Variants in PSPC1 observed in about 807,000 individuals in gnomAD.
PSPC1 encodes paraspeckle component 1, also known as paraspeckle protein 1.
A neutral mutation model predicts 51.6 loss-of-function variants in PSPC1; 14 were observed. The ratio of observed to expected loss-of-function variants is 0.27; its 90% confidence interval spans 0.18 to 0.42. The LOEUF (loss-of-function observed/expected upper bound fraction) is 0.42. Among genes scored for constraint, PSPC1 ranks in the 10% least tolerant of loss-of-function variants. PSPC1 has a pLI of 1.00. For missense variants in PSPC1, 406 were observed against 701.1 expected (o/e 0.58, Z 4.75); for synonymous variants, 193 against 231.9 (o/e 0.83, Z 1.53).
chr13:19,691,910 C>G (rs1352010568), intron 6 of PSPC1, among the ~76,000 whole-genome samples: 1 of 151,830 alleles, frequency 6.6e-6, no homozygotes, highest in African/African-American at 2.4e-5. Flanking sequence ...AGAGCGAGAC[C>G]CCATCTCAAA....
At chr13:19,728,435 CTTAAA>C (rs1245309160) in intron 6 of PSPC1, among the ~76,000 whole-genome samples, 5 of 122,408 alleles carry the variant, frequency 4.1e-5, no homozygotes, top group Admixed American at 2.0e-4. Context: ...AATTTCAAAG[CTTAAA>C]CACACACACA....
At chr13:19,705,386 G>A (rs764664107) in intron 8 of PSPC1, among the ~76,000 whole-genome samples, 14 of 147,568 alleles carry the variant, frequency 9.5e-5, no homozygotes, top group East Asian at 5.8e-4. Context: ...CCAACTACTC[G>A]GGAGGCTGAG....
At chr13:19,704,009 T>C (rs1323965080) in intron 8 of PSPC1, among the ~76,000 whole-genome samples, 1 of 152,256 alleles carries the variant, frequency 6.6e-6, no homozygotes, top group Admixed American at 6.5e-5. Flanking sequence ...ACAATAATCA[T>C]ACATATTAAT....
chr13:19,700,626 A>G (rs1879786453), downstream of PSPC1, among the ~76,000 whole-genome samples: 1 of 152,130 alleles, frequency 6.6e-6, no homozygotes. Context: ...ACTATTAGGA[A>G]AACAGGTGTT....
At chr13:19,725,270 A>G (rs954997877) in intron 6 of PSPC1, among the ~76,000 whole-genome samples, 4 of 152,222 alleles carry the variant, frequency 2.6e-5, no homozygotes, top group African/African-American at 9.6e-5. Context: ...CTGGTTTATA[A>G]CCATGACTAC....
chr13:19,697,376 A>T (rs1445509880), intron 6 of PSPC1, among the ~76,000 whole-genome samples: 1 of 152,154 alleles, frequency 6.6e-6, no homozygotes, highest in Non-Finnish European at 1.5e-5. Flanking sequence ...TTAGAGGACA[A>T]GTTTTTTTCC....
At position 19,778,528 on chromosome 13, in the gene PSPC1, C is replaced by G. The variant is rs1206282867; in HGVS notation, c.372+3858G>C. 2.1e-3 allele frequency among the ~76,000 whole-genome samples: 295 copies of G among 140,496 alleles called. 1 individual carries two copies. The highest frequency in any genetic ancestry group is 7.5e-3 in the African/African-American group (285 of 38,118). 92.2% of individuals were successfully genotyped at this position (140,496 alleles called of 152,430 possible). ...TGCCGAATGCCTGCAATTGCAGGCA[C>G]GCGCCGCCACGCCTGACTGGTTTTG... On this transcript the variant is annotated intron_variant, in intron 1 of 8. Coordinates refer to ENST00000338910, the MANE Select transcript of PSPC1 (RefSeq NM_001354909.2).
intron 5 of PSPC1, among the ~76,000 whole-genome samples, chr13:19,740,632 T>A (rs918431311): frequency 2.6e-5 from 4 of 152,218 alleles, no homozygotes; most frequent in Non-Finnish European, 5.9e-5. Context: ...TTGTTTATAA[T>A]ATTTCCTAAC....
chr13:19,782,897 C>G lies in PSPC1; in HGVS notation c.-140G>C. On this transcript the variant is annotated 5_prime_UTR_variant, in exon 1 of 9. Transcript: ENST00000338910. The surrounding 1 kb of genome is among the most constrained non-coding windows in gnomAD (Gnocchi z 4.5). Reference sequence around the variant, plus strand: ...GACCGCTAGGTAGGCGAGTCGGCAACCCGTCCTCCCCCAACTCACGCCCGC... The same window carrying G: ...GACCGCTAGGTAGGCGAGTCGGCAAGCCGTCCTCCCCCAACTCACGCCCGC... 1.1e-6 allele frequency: 1 copy of G among 924,998 alleles called. No homozygotes were observed. The highest frequency in any genetic ancestry group is 3.2e-5 in the South Asian group (1 of 31,430). 57.3% of individuals were successfully genotyped at this position (924,998 alleles called of 1,614,324 possible).
rs555584172 is a variant in PSPC1 at position 19,761,943 on chromosome 13, G to A, written c.675-2525C>T. Among the ~76,000 whole-genome samples the A allele has an allele frequency of 4.6e-5, 7 of 152,128 alleles. No individual in the cohort carries two copies. The East Asian group carries it at 7.7e-4, about 17-fold the overall frequency. Reference sequence around the variant, plus strand: ...AAACTTCAGAAACAGAATTAAGAGGGAAAAATGAACTAAGCAGATGATATG... The same window carrying A: ...AAACTTCAGAAACAGAATTAAGAGGAAAAAATGAACTAAGCAGATGATATG... On this transcript the variant is annotated intron_variant, in intron 2 of 8. Transcript: ENST00000338910.
At chr13:19,734,740 TAC>T (rs768300037) in intron 5 of PSPC1, among the ~76,000 whole-genome samples, 4 of 151,996 alleles carry the variant, frequency 2.6e-5, no homozygotes, top group Non-Finnish European at 5.9e-5. Context: ...AGGCAGAGGT[TAC>T]AGTGAGTCAA....
chr13:19,712,044 A>C (rs1881509742), intron 6 of PSPC1, among the ~76,000 whole-genome samples: 1 of 152,196 alleles, frequency 6.6e-6, no homozygotes, highest in African/African-American at 2.4e-5. Context: ...CAAAACACCC[A>C]AAATCTTCTA....
chr13:19,697,037 G>T (rs1241525695), intron 6 of PSPC1, among the ~76,000 whole-genome samples: 1 of 152,158 alleles, frequency 6.6e-6, no homozygotes, highest in Non-Finnish European at 1.5e-5. Context: ...ATGTCTGAGG[G>T]TGTTTTGATT....
At chr13:19,673,200 A>T (rs1009546559), downstream of PSPC1, 4 of 436,982 alleles carry the variant, frequency 9.2e-6, no homozygotes, top group African/African-American at 2.1e-5. Flanking sequence ...GCTGTGTGGG[A>T]GCCACCACCC....
At chr13:19,772,595 C>A (rs1170833571) in intron 1 of PSPC1, 52 bp from the exon 2 acceptor site, 2 of 1,523,880 alleles carry the variant, frequency 1.3e-6, no homozygotes, top group East Asian at 2.3e-5. Flanking sequence ...AGAAAAAATT[C>A]AAAACAGTGT....
intron 2 of PSPC1, among the ~76,000 whole-genome samples, chr13:19,767,287 G>A (rs928024075): frequency 1.3e-5 from 2 of 152,158 alleles, no homozygotes; most frequent in African/African-American, 4.8e-5. Flanking sequence ...TAAAACAGCA[G>A]ATATAGCACG....
At chr13:19,736,144 G>A (rs929619885) in intron 5 of PSPC1, among the ~76,000 whole-genome samples, 6 of 151,978 alleles carry the variant, frequency 3.9e-5, no homozygotes, top group African/African-American at 1.4e-4. Flanking sequence ...TTTAAGGCAA[G>A]TTGTTCACAC....
At chr13:19,726,845 G>A (rs1883411824) in intron 6 of PSPC1, among the ~76,000 whole-genome samples, 1 of 152,192 alleles carries the variant, frequency 6.6e-6, no homozygotes, top group Non-Finnish European at 1.5e-5. Flanking sequence ...GAATGCCTCT[G>A]ACAAGCAAAG....
rs34618199 is a variant in PSPC1, at chr13:19,696,519, G to GCACA, written c.1159-18700_1159-18697dup. 6.0e-5 allele frequency among the ~76,000 whole-genome samples: 9 copies of GCACA among 148,800 alleles called. No individual in the cohort carries two copies. In the South Asian group the frequency reaches 1.1e-3, roughly 18 times the overall value. On this transcript the variant is annotated intron_variant and NMD_transcript_variant, in intron 6 of 7. Transcript: ENST00000471658. ...CACACGCACACACACACACACATAC[G>GCACA]CACACACACACACATATCTGACGCT...
Sources: gnomAD v4.1 joint callset for allele counts (sites outside exome capture counted in the v4.1 genomes callset) on GRCh38, gnomAD v4.1.1 for gene constraint, Gnocchi (gnomAD v3.1) non-coding constraint, MANE v1.5 for transcripts, NCBI Gene and HGNC (gene_info 2026-07-23, HGNC 2026-07-21) for gene names.